TRAK1: variants seen among roughly 807,000 people sequenced by gnomAD.
TRAK1 encodes the protein trafficking kinesin-binding protein 1.
Under a neutral mutation model 92.1 loss-of-function variants are expected in TRAK1, and 33 were observed. The observed-to-expected ratio is 0.36, with a 90% CI of 0.27 to 0.48. The LOEUF is 0.48. Among genes scored for constraint, TRAK1 ranks in the 20% least tolerant of loss-of-function variants. The probability of loss-of-function intolerance (pLI) is 0.99; values close to 1 mark genes in which losing one functional copy is unlikely to be tolerated. For synonymous variants in TRAK1, 521 were observed against 517.3 expected, an observed-to-expected ratio of 1.01 and a Z score of -0.10; for missense variants, 1,123 against 1,257.9, an observed-to-expected ratio of 0.89 and a Z score of 1.62.
At chr3:42,037,513 A>G (rs983038703) in intron 1 of TRAK1, among the ~76,000 whole-genome samples, 1 of 152,236 alleles carries the variant, frequency 6.6e-6, no homozygotes, top group South Asian at 2.1e-4. Context: ...ATAAACTGTC[A>G]TGGTGTTTAC....
At chr3:42,095,726 C>T (rs1173326866) in intron 1 of TRAK1, among the ~76,000 whole-genome samples, 1 of 152,084 alleles carries the variant, frequency 6.6e-6, no homozygotes, top group Non-Finnish European at 1.5e-5. Flanking sequence ...TCGTCATCAT[C>T]ATCATCATCA....
chr3:42,050,518 C>A (rs1702937499), intron 1 of TRAK1, among the ~76,000 whole-genome samples: 1 of 152,166 alleles, frequency 6.6e-6, no homozygotes, highest in Non-Finnish European at 1.5e-5. Flanking sequence ...TTCCTTGGGA[C>A]CCCTGCAGGT....
rs150238883 is a variant in TRAK1 at position 42,193,082 on chromosome 3, C to T, written c.777C>T (p.Ala259=). Residue 259 remains alanine, a synonymous_variant, in exon 8 of 16, where the codon GCC becomes GCT. Coordinates refer to ENST00000327628, the MANE Select transcript of TRAK1 (RefSeq NM_001042646.3). The part of the protein sequence containing the change: ...VNDCVKELRD[A]NVQIASISEE... ...GTTGCTTCTTTGTCAAAGGGGATGCCAATGTCCAGATTGCTAGTATCTCAG... is the reference window on the plus strand; with the variant it reads ...GTTGCTTCTTTGTCAAAGGGGATGCTAATGTCCAGATTGCTAGTATCTCAG... The T allele has an allele frequency of 2.5e-6, 4 of 1,613,840 alleles. No homozygotes were observed. The highest frequency in any genetic ancestry group is 2.7e-5 in the African/African-American group (2 of 74,908).
intron 1 of TRAK1, among the ~76,000 whole-genome samples, chr3:42,073,407 C>T (rs930328341): frequency 6.6e-6 from 1 of 152,194 alleles, no homozygotes; most frequent in African/African-American, 2.4e-5. Flanking sequence ...TGCAGTTTTC[C>T]AGTGATCAGA....
chr3:42,160,445 G>A, intron 2 of TRAK1: 2 of 1,614,186 alleles, frequency 1.2e-6, no homozygotes, highest in Non-Finnish European at 1.7e-6. Context: ...CCCACAGGCA[G>A]CATGACACCC....
chr3:42,212,444 CCTG>C (rs1351680732), intron 14 of TRAK1: 1 of 985,236 alleles, frequency 1.0e-6, no homozygotes, highest in Non-Finnish European at 1.2e-6. Context: ...TTGTCCAGAG[CCTG>C]CTGTCCCATG....
At chr3:42,218,385 A>G in intron 14 of TRAK1, 1 of 954,130 alleles carries the variant, frequency 1.0e-6, no homozygotes, top group Non-Finnish European at 1.2e-6. Context: ...GGCCTCTGAA[A>G]TCTGAATCAG....
chr3:42,187,160 T>G (rs1705004648), intron 4 of TRAK1, among the ~76,000 whole-genome samples: 1 of 152,194 alleles, frequency 6.6e-6, no homozygotes, highest in East Asian at 1.9e-4. Flanking sequence ...GTGAAATTCC[T>G]ATCTAGTAAG....
intron 1 of TRAK1, among the ~76,000 whole-genome samples, chr3:42,053,655 C>T (rs1703079014): frequency 1.3e-5 from 2 of 152,064 alleles, no homozygotes; most frequent in African/African-American, 2.4e-5. Context: ...AGGACCTGCC[C>T]GAGCCAAGTC....
chr3:42,181,311 A>C (rs1703967459), intron 3 of TRAK1, among the ~76,000 whole-genome samples: 1 of 98,336 alleles, frequency 1.0e-5, no homozygotes, highest in Admixed American at 1.3e-4. Flanking sequence ...TGGGAGGCTG[A>C]GGTGGGCAGA....
chr3:42,105,864 C>T (rs1470304682), intron 1 of TRAK1, among the ~76,000 whole-genome samples: 2 of 152,152 alleles, frequency 1.3e-5, no homozygotes, highest in East Asian at 1.9e-4. Flanking sequence ...GGGCCAATAT[C>T]CAACATTCTT....
intron 1 of TRAK1, among the ~76,000 whole-genome samples, chr3:42,113,359 TAC>T (rs1708723082): frequency 1.4e-5 from 2 of 144,362 alleles, no homozygotes; most frequent in South Asian, 2.4e-4. Context: ...CTCCTACGCC[TAC>T]GCCTACGCCT....
chr3:42,091,983 T>C (rs973317715), intron 1 of TRAK1, among the ~76,000 whole-genome samples: 5 of 152,218 alleles, frequency 3.3e-5, no homozygotes, highest in Non-Finnish European at 5.9e-5. Context: ...GTCTTTATCC[T>C]GATTTCTTAG....
Position 42,200,802 on chromosome 3 carries a change from C to T in TRAK1, c.1191-16C>T, listed in dbSNP as rs1319233451. On this transcript the variant is annotated splice_polypyrimidine_tract_variant and intron_variant, in intron 11 of 15. Coordinates refer to ENST00000327628, the MANE Select transcript of TRAK1 (RefSeq NM_001042646.3). Reference sequence around the variant, plus strand: ...CCCGCATTTGCTCACTCACGGATGCCGTGCATTCTCCCTAGTCACCAGAAG... The same window carrying T: ...CCCGCATTTGCTCACTCACGGATGCTGTGCATTCTCCCTAGTCACCAGAAG... 6.8e-6 allele frequency: 11 copies of T among 1,613,304 alleles called. No individual in the cohort carries two copies. The highest frequency in any genetic ancestry group is 1.6e-4 in the Middle Eastern group (1 of 6,082).
At chr3:42,178,001 G>A (rs1450299287) in intron 3 of TRAK1, among the ~76,000 whole-genome samples, 1 of 152,150 alleles carries the variant, frequency 6.6e-6, no homozygotes, top group Non-Finnish European at 1.5e-5. Flanking sequence ...TGTTAGCCAC[G>A]TGGCAGGCTG....
intron 2 of TRAK1, among the ~76,000 whole-genome samples, chr3:42,147,841 C>T (rs1179811300): frequency 2.0e-5 from 3 of 152,172 alleles, no homozygotes; most frequent in African/African-American, 7.2e-5. Context: ...AGAGAGATTT[C>T]TTTGAGGACC....
chr3:42,195,921 G>A (rs1706554799), intron 10 of TRAK1, among the ~76,000 whole-genome samples: 1 of 152,108 alleles, frequency 6.6e-6, no homozygotes. Flanking sequence ...CTCCTTACCT[G>A]GGTTCCCTCC....
intron 2 of TRAK1, chr3:42,160,333 G>C (rs1363103739): frequency 8.7e-6 from 14 of 1,613,452 alleles, no homozygotes; most frequent in Non-Finnish European, 9.3e-6. Flanking sequence ...CCCTTAGGGT[G>C]ATGTTTTGGC....
chr3:42,131,805 C>A (rs545590144), intron 2 of TRAK1, among the ~76,000 whole-genome samples: 1 of 151,710 alleles, frequency 6.6e-6, no homozygotes, highest in South Asian at 2.1e-4. Flanking sequence ...CGCCTGTAAT[C>A]CCATCACTTT....
Sources: gnomAD v4.1 joint callset for allele counts (sites outside exome capture counted in the v4.1 genomes callset) on GRCh38, gnomAD v4.1.1 for gene constraint, MANE v1.5 for transcripts, NCBI Gene and HGNC (gene_info 2026-07-23, HGNC 2026-07-21) for gene names.